The following SLC10A7 variants were observed in gnomAD, a reference collection of about 807,000 sequenced individuals.
SLC10A7 encodes sodium/bile acid cotransporter 7.
In SLC10A7, 29 loss-of-function variants were observed where a neutral mutation model predicts 43.2. The observed-to-expected ratio is 0.67, with a 90% CI of 0.50 to 0.92. The LOEUF (loss-of-function observed/expected upper bound fraction) is 0.92, where lower values mean the gene tolerates loss of function less well. Among genes scored for constraint, SLC10A7 ranks in the 40% least tolerant of loss-of-function variants. The pLI is 0.00. For missense variants in SLC10A7, 295 were observed against 403.2 expected, an observed-to-expected ratio of 0.73 and a Z score of 2.30; for synonymous variants, 152 against 144.8, an observed-to-expected ratio of 1.05 and a Z score of -0.35.
At chr4:146,465,943 G>A (rs1732985370) in intron 4 of SLC10A7, among the ~76,000 whole-genome samples, 1 of 152,090 alleles carries the variant, frequency 6.6e-6, no homozygotes, top group Admixed American at 6.5e-5. Context: ...AACATAGTTT[G>A]AGATTTTTCT....
intron 5 of SLC10A7, among the ~76,000 whole-genome samples, chr4:146,366,475 G>A (rs1477733774): frequency 6.6e-6 from 1 of 152,154 alleles, no homozygotes; most frequent in Non-Finnish European, 1.5e-5. Flanking sequence ...GTTTTTGAAT[G>A]TGGAAAGGAG....
At chr4:146,370,743 ACTTT>A (rs561315705) in intron 5 of SLC10A7, among the ~76,000 whole-genome samples, 8 of 152,204 alleles carry the variant, frequency 5.3e-5, no homozygotes, top group Non-Finnish European at 5.9e-5. Flanking sequence ...CACTCTTCTT[ACTTT>A]CTTTGTCTCT....
intron 10 of SLC10A7, among the ~76,000 whole-genome samples, chr4:146,277,713 A>G (rs1057393963): frequency 1.3e-5 from 2 of 152,146 alleles, no homozygotes; most frequent in African/African-American, 4.8e-5. Context: ...CTGGATTTCT[A>G]TTTCAACTTT....
intron 5 of SLC10A7, among the ~76,000 whole-genome samples, chr4:146,379,544 T>C (rs544524242): frequency 4.6e-5 from 7 of 152,188 alleles, no homozygotes; most frequent in Non-Finnish European, 7.3e-5. Context: ...TTTTGTCTCA[T>C]GTAATTGGCT....
chr4:146,450,125 G>A (rs1313364499), intron 4 of SLC10A7, among the ~76,000 whole-genome samples: 1 of 152,102 alleles, frequency 6.6e-6, no homozygotes, highest in Non-Finnish European at 1.5e-5. Flanking sequence ...AAAACAGGTA[G>A]TTAGCCCTCT....
At chr4:146,466,885 C>A (rs1056379300) in intron 4 of SLC10A7, among the ~76,000 whole-genome samples, 2 of 152,066 alleles carry the variant, frequency 1.3e-5, no homozygotes, top group Non-Finnish European at 2.9e-5. Context: ...AAAGGTGAGA[C>A]CTTAGGAGGA....
intron 4 of SLC10A7, among the ~76,000 whole-genome samples, chr4:146,491,781 G>GA (rs1269550744): frequency 2.6e-5 from 4 of 152,112 alleles, no homozygotes; most frequent in African/African-American, 7.2e-5. Flanking sequence ...TGCAAGGCCA[G>GA]TATCTTGGCA....
intron 5 of SLC10A7, among the ~76,000 whole-genome samples, chr4:146,439,877 G>A (rs1463168390): frequency 1.3e-5 from 2 of 152,090 alleles, no homozygotes; most frequent in Non-Finnish European, 2.9e-5. Context: ...GCTGTAACAA[G>A]TACCATCCTT....
At chr4:146,501,311 AG>A (rs1237740236) in intron 4 of SLC10A7, among the ~76,000 whole-genome samples, 1 of 152,228 alleles carries the variant, frequency 6.6e-6, no homozygotes, top group Non-Finnish European at 1.5e-5. Flanking sequence ...TAGGCATCTT[AG>A]TACATCAAAA....
At chr4:146,391,113 G>A (rs1377050351) in intron 5 of SLC10A7, among the ~76,000 whole-genome samples, 1 of 152,044 alleles carries the variant, frequency 6.6e-6, no homozygotes, top group East Asian at 1.9e-4. Flanking sequence ...ATGTCATCTT[G>A]ACTTATTAAA....
At chr4:146,347,819 A>G (rs970062350) in intron 5 of SLC10A7, among the ~76,000 whole-genome samples, 3 of 152,194 alleles carry the variant, frequency 2.0e-5, no homozygotes, top group African/African-American at 4.8e-5. Context: ...ATTTCTTAAG[A>G]GGAACAAAAA....
intron 5 of SLC10A7, among the ~76,000 whole-genome samples, chr4:146,412,802 TCTTA>T (rs1417128926): frequency 6.6e-6 from 1 of 152,106 alleles, no homozygotes. Flanking sequence ...TATCTATTGT[TCTTA>T]CTTACTCTGC....
chr4:146,380,849 G>C (rs997220009), intron 5 of SLC10A7, among the ~76,000 whole-genome samples: 1 of 151,684 alleles, frequency 6.6e-6, no homozygotes, highest in African/African-American at 2.4e-5. Context: ...ATAATTAGTT[G>C]GTACGATGTT....
chr4:146,262,550 C>T (rs899416771), intron 10 of SLC10A7, among the ~76,000 whole-genome samples: 11 of 152,214 alleles, frequency 7.2e-5, no homozygotes, highest in African/African-American at 1.9e-4. Context: ...GACTATGTAA[C>T]GCACCACTCT....
intron 10 of SLC10A7, among the ~76,000 whole-genome samples, chr4:146,276,146 C>T (rs1240753054): frequency 2.6e-5 from 4 of 152,178 alleles, no homozygotes; most frequent in African/African-American, 7.2e-5. Flanking sequence ...CCATTTATTA[C>T]ATTTATCATG....
At chr4:146,335,251 T>TAAAAAAAAAAAAAAAAAAAAAAAAAA (rs34522588) in intron 5 of SLC10A7, among the ~76,000 whole-genome samples, 1 of 92,640 alleles carries the variant, frequency 1.1e-5, no homozygotes, top group African/African-American at 4.3e-5. Context: ...ACAGATGTTG[T>TAAAAAAAAAAAAAAAAAAAAAAAAAA]AAAAAAAAAA....
chr4:146,322,706 G>T (rs1732809023), intron 6 of SLC10A7, among the ~76,000 whole-genome samples: 1 of 152,138 alleles, frequency 6.6e-6, no homozygotes, highest in African/African-American at 2.4e-5. Flanking sequence ...CTTTATAGCA[G>T]CATGATTTAT....
At chr4:146,340,982 C>CT (rs1277729751) in intron 5 of SLC10A7, among the ~76,000 whole-genome samples, 6 of 151,690 alleles carry the variant, frequency 4.0e-5, no homozygotes, top group African/African-American at 1.5e-4. Context: ...CTTCTACACA[C>CT]TTTGACAGTT....
chr4:146,284,935 C>T (rs1399574014), intron 9 of SLC10A7, among the ~76,000 whole-genome samples: 1 of 152,144 alleles, frequency 6.6e-6, no homozygotes, highest in Non-Finnish European at 1.5e-5. Flanking sequence ...AGAAGGATCA[C>T]CTCTAGCTTG....
Sources: gnomAD v4.1 joint callset for allele counts (sites outside exome capture counted in the v4.1 genomes callset) on GRCh38, gnomAD v4.1.1 for gene constraint, MANE v1.5 for transcripts, NCBI Gene and HGNC (gene_info 2026-07-23, HGNC 2026-07-21) for gene names.